The following SH3GL2 variants were observed in gnomAD, a reference collection of about 807,000 sequenced individuals.
The protein encoded by SH3GL2 is SH3 domain containing GRB2 like 2, endophilin A1, also known as endophilin-A1.
SH3GL2 carries 24 observed loss-of-function variants against 46.0 expected under a neutral mutation model. The ratio of observed to expected loss-of-function variants is 0.52; its 90% confidence interval spans 0.38 to 0.73. The LOEUF is 0.73. SH3GL2 is among the 30% of genes least tolerant of loss of function. The pLI is 0.00. For missense variants in SH3GL2, 413 were observed against 424.2 expected (o/e 0.97, Z 0.23); for synonymous variants, 196 against 147.1 (o/e 1.33, Z -2.40).
At chr9:17,723,083 A>G (rs1821935619) in intron 1 of SH3GL2, among the ~76,000 whole-genome samples, 1 of 152,084 alleles carries the variant, frequency 6.6e-6, no homozygotes, top group Non-Finnish European at 1.5e-5. Flanking sequence ...AAAACAGAAA[A>G]ATGTTTTCCA....
chr9:17,630,915 G>C (rs149835833), intron 1 of SH3GL2, among the ~76,000 whole-genome samples: 1 of 152,098 alleles, frequency 6.6e-6, no homozygotes, highest in East Asian at 1.9e-4. Context: ...CTCCTACAAT[G>C]ACTGTAGAAA....
intron 7 of SH3GL2, among the ~76,000 whole-genome samples, chr9:17,791,910 T>A (rs1392199214): frequency 1.3e-5 from 2 of 152,204 alleles, no homozygotes; most frequent in Non-Finnish European, 2.9e-5. Flanking sequence ...AGCAGGGCTG[T>A]AGTAGTAGGA....
rs537286921 is a variant in SH3GL2, at chr9:17,738,783, C to G, written c.46-8283C>G. Among the ~76,000 whole-genome samples, 291 of 151,904 alleles carry G rather than the reference C, an allele frequency of 1.9e-3. 2 individuals carry two copies. The highest frequency in any genetic ancestry group is 5.7e-3 in the African/African-American group (235 of 41,470). On this transcript the variant is annotated intron_variant, in intron 1 of 8. Transcript: ENST00000380607. Reference sequence around the variant, plus strand: ...CTTGCTCAGAAGCTGATGCTTCAGTCTAGAGGCAGAATTCCTTCTTCCTCA... The same window carrying G: ...CTTGCTCAGAAGCTGATGCTTCAGTGTAGAGGCAGAATTCCTTCTTCCTCA...
chr9:17,589,946 A>G (rs1189130844), intron 1 of SH3GL2: 2 of 152,182 alleles, frequency 1.3e-5, no homozygotes, highest in Non-Finnish European at 2.9e-5. Context: ...GGTGCCAGAC[A>G]TAATTTGGAA....
At chr9:17,679,192 G>A (rs561398175) in intron 1 of SH3GL2, among the ~76,000 whole-genome samples, 84 of 152,242 alleles carry the variant, frequency 5.5e-4, no homozygotes, top group African/African-American at 2.0e-3. Context: ...GCTTGATGGG[G>A]ATGGCATTGA....
chr9:17,779,198 A>T (rs1823730043), intron 3 of SH3GL2, among the ~76,000 whole-genome samples: 1 of 152,156 alleles, frequency 6.6e-6, no homozygotes, highest in African/African-American at 2.4e-5. Flanking sequence ...GATAGTCCAA[A>T]TCATCAAGAT....
chr9:17,774,664 T>C (rs10738489), intron 3 of SH3GL2, among the ~76,000 whole-genome samples: 60,435 of 151,654 alleles, frequency 0.4, 13,752 homozygotes, highest in East Asian at 0.73. Context: ...TGGGGTATAA[T>C]TTTTAAAATA....
intron 1 of SH3GL2, among the ~76,000 whole-genome samples, chr9:17,708,376 C>T (rs1311748011): frequency 6.6e-6 from 1 of 151,970 alleles, no homozygotes; most frequent in Non-Finnish European, 1.5e-5. Flanking sequence ...TCTTAGCATT[C>T]TTTCATGTCA....
intron 1 of SH3GL2, among the ~76,000 whole-genome samples, chr9:17,723,258 A>G (rs1460165419): frequency 2.0e-5 from 3 of 152,062 alleles, no homozygotes; most frequent in Middle Eastern, 3.2e-3. Context: ...AATTTCTTCT[A>G]TGTTCACTAT....
At chr9:17,621,750 G>C (rs549820538) in intron 1 of SH3GL2, among the ~76,000 whole-genome samples, 5 of 152,280 alleles carry the variant, frequency 3.3e-5, no homozygotes, top group Admixed American at 3.3e-4. Flanking sequence ...TGTGGTAAGT[G>C]GTGGAGAGTT....
chr9:17,710,901 A>G (rs962629083), intron 1 of SH3GL2, among the ~76,000 whole-genome samples: 1 of 151,958 alleles, frequency 6.6e-6, no homozygotes, highest in Non-Finnish European at 1.5e-5. Flanking sequence ...CTGTATATAA[A>G]TTAGATACAG....
chr9:17,712,413 A>G (rs1481246664), intron 1 of SH3GL2, among the ~76,000 whole-genome samples: 1 of 151,790 alleles, frequency 6.6e-6, no homozygotes, highest in East Asian at 1.9e-4. Context: ...ATTTTTTCCT[A>G]TCTTTTCTTT....
At chr9:17,604,679 G>T (rs779402869) in intron 1 of SH3GL2, among the ~76,000 whole-genome samples, 1 of 152,146 alleles carries the variant, frequency 6.6e-6, no homozygotes, top group African/African-American at 2.4e-5. Flanking sequence ...CAGAGCACTT[G>T]GTGAATGGTA....
intron 1 of SH3GL2, among the ~76,000 whole-genome samples, chr9:17,696,861 C>T (rs1047133310): frequency 3.3e-5 from 5 of 152,162 alleles, no homozygotes; most frequent in Admixed American, 6.5e-5. Flanking sequence ...ACCAAAATTG[C>T]TCTCCACATG....
intron 1 of SH3GL2, among the ~76,000 whole-genome samples, chr9:17,668,723 C>T (rs920893299): frequency 2.0e-5 from 3 of 152,140 alleles, no homozygotes; most frequent in African/African-American, 4.8e-5. Flanking sequence ...GTGGCACAAT[C>T]GTAGCTCACT....
At chr9:17,595,616 T>C (rs112064684) in intron 1 of SH3GL2, among the ~76,000 whole-genome samples, 1,543 of 152,294 alleles carry the variant, frequency 0.01, 13 homozygotes, top group Middle Eastern at 0.027. Flanking sequence ...GTAGTAGTTA[T>C]TGTGGTGAAA....
chr9:17,783,554 A>C (rs888256076), intron 3 of SH3GL2, among the ~76,000 whole-genome samples: 2 of 152,028 alleles, frequency 1.3e-5, no homozygotes, highest in African/African-American at 4.8e-5. Context: ...CAGGGATGCT[A>C]CAGATTATGC....
rs1391037988 is a variant in SH3GL2 at position 17,686,680 on chromosome 9, A to G, written c.46-60386A>G. ...TGGAAATCATCATTCTCAGTAAACT[A>G]TCGCAAGAACAAAAAACCAAACACC... On this transcript the variant is annotated intron_variant, in intron 1 of 8. Coordinates refer to ENST00000380607, the MANE Select transcript of SH3GL2 (RefSeq NM_003026.5). Among the ~76,000 whole-genome samples, 4 of 145,986 alleles carry G rather than the reference A, an allele frequency of 2.7e-5. No individual in the cohort carries two copies. In the Admixed American group the frequency reaches 2.8e-4, roughly 10 times the overall value.
intron 3 of SH3GL2, among the ~76,000 whole-genome samples, chr9:17,777,564 A>G (rs1429533101): frequency 6.6e-6 from 1 of 152,002 alleles, no homozygotes; most frequent in Non-Finnish European, 1.5e-5. Context: ...GCAGTTCTGG[A>G]GGTTATATAG....
Sources: allele counts gnomAD v4.1 joint callset (sites outside exome capture counted in the v4.1 genomes callset), GRCh38; gene constraint gnomAD v4.1.1; transcripts MANE v1.5; gene names NCBI Gene and HGNC (gene_info 2026-07-23, HGNC 2026-07-21).